The following SMYD3 variants were observed in gnomAD, a reference collection of about 807,000 sequenced individuals.
SMYD3 encodes histone-lysine N-methyltransferase SMYD3.
Under a neutral mutation model 57.7 loss-of-function variants are expected in SMYD3, and 36 were observed. That is an observed-to-expected ratio of 0.62 (90% CI 0.48 to 0.82). SMYD3 has a LOEUF of 0.82. Among genes scored for constraint, SMYD3 ranks in the 40% least tolerant of loss-of-function variants. SMYD3 has a pLI of 0.00. For synonymous variants in SMYD3, 211 were observed against 195.0 expected, an observed-to-expected ratio of 1.08 and a Z score of -0.68; for missense variants, 515 against 538.8, an observed-to-expected ratio of 0.96 and a Z score of 0.44.
chr1:246,232,620 A>G (rs1205522419), intron 5 of SMYD3, among the ~76,000 whole-genome samples: 3 of 144,672 alleles, frequency 2.1e-5, no homozygotes, highest in Admixed American at 1.4e-4. Flanking sequence ...CACTCCTTCA[A>G]TTCACACAGT....
intron 1 of SMYD3, among the ~76,000 whole-genome samples, chr1:246,431,905 G>GA (rs1368916626): frequency 6.6e-6 from 1 of 152,110 alleles, no homozygotes; most frequent in Non-Finnish European, 1.5e-5. Flanking sequence ...AAAGAGCCAT[G>GA]AAAAAACTCT....
chr1:246,235,121 C>T (rs752311521), intron 5 of SMYD3, among the ~76,000 whole-genome samples: 1 of 152,126 alleles, frequency 6.6e-6, no homozygotes, highest in African/African-American at 2.4e-5. Context: ...AACTAAAAGT[C>T]AAACATTTCA....
At chr1:245,879,087 G>A (rs1443437398) in intron 8 of SMYD3, among the ~76,000 whole-genome samples, 1 of 152,174 alleles carries the variant, frequency 6.6e-6, no homozygotes, top group Non-Finnish European at 1.5e-5. Flanking sequence ...TTTCAGTGCA[G>A]CTATAATCTT....
At chr1:246,274,871 G>A (rs186341825) in intron 5 of SMYD3, among the ~76,000 whole-genome samples, 53 of 152,062 alleles carry the variant, frequency 3.5e-4, no homozygotes, top group Admixed American at 1.1e-3. Flanking sequence ...CACTCTACCG[G>A]GGTCAGTACC....
At chr1:245,971,864 T>A (rs2058312652) in intron 5 of SMYD3, among the ~76,000 whole-genome samples, 1 of 152,178 alleles carries the variant, frequency 6.6e-6, no homozygotes, top group Non-Finnish European at 1.5e-5. Context: ...AGTTGAGGAA[T>A]CTCAGATTTA....
chr1:246,275,756 T>A (rs200517521), intron 5 of SMYD3, among the ~76,000 whole-genome samples: 13,130 of 136,836 alleles, frequency 0.096, no homozygotes, highest in East Asian at 0.28. Context: ...CTGATGCCCA[T>A]GTTTGAATAC....
chr1:246,110,033 GATA>G (rs1319695406), intron 5 of SMYD3: 1 of 152,246 alleles, frequency 6.6e-6, no homozygotes, highest in Non-Finnish European at 1.5e-5. Flanking sequence ...AGTCACAACA[GATA>G]ATGTCTCTTC....
At chr1:246,225,357 A>AAAAAAAAAAAAAAAAAT (rs755935179) in intron 5 of SMYD3, among the ~76,000 whole-genome samples, 1 of 132,606 alleles carries the variant, frequency 7.5e-6, no homozygotes, top group Non-Finnish European at 1.6e-5. Flanking sequence ...AAAAAAAAAA[A>AAAAAAAAAAAAAAAAAT]CAGAAAAGAC....
intron 5 of SMYD3, among the ~76,000 whole-genome samples, chr1:246,244,707 T>TA (rs2063673030): frequency 6.6e-6 from 1 of 152,164 alleles, no homozygotes; most frequent in Admixed American, 6.5e-5. Context: ...TCTAGTTGTG[T>TA]AAAAAGGGAC....
chr1:246,479,011 T>C (rs71638336), intron 1 of SMYD3, among the ~76,000 whole-genome samples: 42 of 135,372 alleles, frequency 3.1e-4, no homozygotes, highest in African/African-American at 5.8e-4. Context: ...CTCATATATG[T>C]ACACCTGTCC....
rs978864119 is a variant in SMYD3 at position 246,142,377 on chromosome 1, G to A, written c.531+184824C>T. On this transcript the variant is annotated intron_variant, in intron 5 of 11. Coordinates refer to ENST00000490107, the MANE Select transcript of SMYD3 (RefSeq NM_001167740.2). Reference sequence around the variant, plus strand: ...TTTTTTTTTCTTTCCTTATTAAGTCGGGAACTTTCACCTTTTCACTGAAGG... The same window carrying A: ...TTTTTTTTTCTTTCCTTATTAAGTCAGGAACTTTCACCTTTTCACTGAAGG... Among the ~76,000 whole-genome samples the A allele has an allele frequency of 2.0e-5, 3 of 151,318 alleles. No homozygotes were observed. The East Asian group carries it at 5.8e-4, about 29-fold the overall frequency.
intron 5 of SMYD3, among the ~76,000 whole-genome samples, chr1:246,071,827 TGGATG>T (rs1483652160): frequency 1.4e-5 from 2 of 145,956 alleles, no homozygotes; most frequent in African/African-American, 5.4e-5. Flanking sequence ...GTGCTCACTG[TGGATG>T]CTTCCTGTTA....
chr1:245,803,909 C>T (rs1287956448), intron 10 of SMYD3, among the ~76,000 whole-genome samples: 3 of 104,314 alleles, frequency 2.9e-5, no homozygotes, highest in African/African-American at 6.4e-5. Flanking sequence ...TTACGTAAGT[C>T]AGTATTTTTT....
At chr1:245,894,363 G>C (rs1471973328) in intron 8 of SMYD3, among the ~76,000 whole-genome samples, 1 of 152,040 alleles carries the variant, frequency 6.6e-6, no homozygotes, top group African/African-American at 2.4e-5. Flanking sequence ...GACATGGGTG[G>C]GGACAAATAA....
intron 8 of SMYD3, among the ~76,000 whole-genome samples, chr1:245,913,374 AG>A (rs2055153863): frequency 8.3e-6 from 1 of 121,152 alleles, no homozygotes; most frequent in Admixed American, 8.5e-5. Context: ...GTGTGGGGGG[AG>A]GGGGGAGGGA....
At chr1:246,371,654 T>C (rs999183976) in intron 1 of SMYD3, among the ~76,000 whole-genome samples, 1 of 152,210 alleles carries the variant, frequency 6.6e-6, no homozygotes, top group Non-Finnish European at 1.5e-5. Context: ...AATATTTTCA[T>C]AACATACTAT....
rs190159384 is a variant in SMYD3 at position 245,777,575 on chromosome 1, G to A, written c.1077-13426C>T. On this transcript the variant is annotated intron_variant, in intron 10 of 11. Transcript: ENST00000490107. ...TGGGAAATTGCATGTACACAAGGGA[G>A]ACCCAAAAGAACCTCATCAAAAGTA... is the stretch of plus-strand genomic sequence containing the variant. 2.0e-3 allele frequency among the ~76,000 whole-genome samples: 303 copies of A among 152,166 alleles called. 2 individuals carry two copies. Among genetic ancestry groups the A allele is most frequent in the Non-Finnish European group, 1.5e-3 (102 of 67,990 alleles).
intron 5 of SMYD3, among the ~76,000 whole-genome samples, chr1:245,978,249 AAGTTCATCT>A (rs2058500478): frequency 6.6e-6 from 1 of 152,172 alleles, no homozygotes; most frequent in African/African-American, 2.4e-5. Context: ...ACTAATTGAT[AAGTTCATCT>A]AGGGCAAGAA....
At chr1:245,855,698 G>C (rs181510593) in intron 10 of SMYD3, among the ~76,000 whole-genome samples, 1 of 152,126 alleles carries the variant, frequency 6.6e-6, no homozygotes, top group Admixed American at 6.5e-5. Context: ...GTTGAGTTGC[G>C]TCATAAAAAC....
Sources: allele counts gnomAD v4.1 joint callset (sites outside exome capture counted in the v4.1 genomes callset), GRCh38; gene constraint gnomAD v4.1.1; transcripts MANE v1.5; gene names NCBI Gene and HGNC (gene_info 2026-07-23, HGNC 2026-07-21).